The following DGKB variants were observed in gnomAD, a reference collection of about 807,000 sequenced individuals.
DGKB encodes the protein 90 kDa diacylglycerol kinase.
A neutral mutation model predicts 114.3 loss-of-function variants in DGKB; 67 were observed. The observed-to-expected ratio is 0.59, with a 90% CI of 0.48 to 0.72. The LOEUF (loss-of-function observed/expected upper bound fraction) is 0.72. Among genes scored for constraint, DGKB ranks in the 30% least tolerant of loss-of-function variants. DGKB has a pLI of 0.00. For missense variants in DGKB, 907 were observed against 975.2 expected (o/e 0.93, Z 0.93); for synonymous variants, 398 against 323.1 (o/e 1.23, Z -2.49).
At chr7:14,943,352 TAA>T (rs1785680905) in intron 1 of DGKB, among the ~76,000 whole-genome samples, 1 of 151,814 alleles carries the variant, frequency 6.6e-6, no homozygotes, top group Non-Finnish European at 1.5e-5. Context: ...CCTCTATAAT[TAA>T]AAGTCATATT....
chr7:14,635,012 T>C (rs1810464732), intron 13 of DGKB, among the ~76,000 whole-genome samples: 1 of 151,590 alleles, frequency 6.6e-6, no homozygotes. Flanking sequence ...TAAATTATTT[T>C]TCTTTTCCAC....
At chr7:14,494,407 T>C (rs1158855918) in intron 20 of DGKB, among the ~76,000 whole-genome samples, 5 of 151,944 alleles carry the variant, frequency 3.3e-5, no homozygotes, top group Non-Finnish European at 5.9e-5. Flanking sequence ...AACGGGACAC[T>C]TTTTTCTGTA....
chr7:14,416,775 A>C (rs1825791305), intron 21 of DGKB, among the ~76,000 whole-genome samples: 1 of 152,110 alleles, frequency 6.6e-6, no homozygotes, highest in South Asian at 2.1e-4. Context: ...TGTCTTTATC[A>C]GCAGTGTGAA....
chr7:14,676,486 A>G lies in DGKB; in HGVS notation c.1036-3459T>C, dbSNP rs78501007. Reference sequence around the variant, plus strand: ...TGAAAGGATGGATACCCCATTCTCCATGATGTGCTTATTTCACATTGCATG... The same window carrying G: ...TGAAAGGATGGATACCCCATTCTCCGTGATGTGCTTATTTCACATTGCATG... On this transcript the variant is annotated intron_variant, in intron 12 of 25. Coordinates refer to ENST00000402815, the MANE Select transcript of DGKB (RefSeq NM_001350709.2). 1.9e-3 allele frequency among the ~76,000 whole-genome samples: 294 copies of G among 152,242 alleles called. 1 individual carries two copies. Among genetic ancestry groups the G allele is most frequent in the Admixed American group, 3.3e-3 (50 of 15,268 alleles).
At chr7:14,476,982 C>T (rs1328107509) in intron 21 of DGKB, among the ~76,000 whole-genome samples, 2 of 152,000 alleles carry the variant, frequency 1.3e-5, no homozygotes, top group East Asian at 3.9e-4. Context: ...GAACTCCCGA[C>T]CTCATGATCT....
intron 12 of DGKB, among the ~76,000 whole-genome samples, chr7:14,679,417 G>A (rs940508254): frequency 2.0e-5 from 3 of 151,966 alleles, no homozygotes; most frequent in African/African-American, 7.2e-5. Flanking sequence ...AATGGCCCAA[G>A]ATGGCACAAC....
At chr7:14,241,436 C>A (rs1793624375) in intron 23 of DGKB, among the ~76,000 whole-genome samples, 1 of 149,912 alleles carries the variant, frequency 6.7e-6, no homozygotes, top group Non-Finnish European at 1.5e-5. Flanking sequence ...TGTTATGTTC[C>A]TAAACCCAAG....
intron 15 of DGKB, among the ~76,000 whole-genome samples, chr7:14,616,167 A>G (rs1193205892): frequency 6.7e-6 from 1 of 149,036 alleles, no homozygotes; most frequent in South Asian, 2.1e-4. Context: ...AGTATTTCCT[A>G]CATATAAAAA....
intron 20 of DGKB, among the ~76,000 whole-genome samples, chr7:14,555,997 C>T (rs759960511): frequency 6.6e-6 from 1 of 152,158 alleles, no homozygotes; most frequent in Non-Finnish European, 1.5e-5. Context: ...CATTCCTTTG[C>T]TTTCTTAATA....
chr7:14,869,615 G>C (rs192154451), intron 1 of DGKB, among the ~76,000 whole-genome samples: 2 of 152,092 alleles, frequency 1.3e-5, no homozygotes, highest in East Asian at 3.9e-4. Context: ...TTCAACAAAA[G>C]CTTTTCTGTC....
intron 21 of DGKB, among the ~76,000 whole-genome samples, chr7:14,356,279 A>G (rs1379499126): frequency 6.9e-6 from 1 of 145,696 alleles, no homozygotes; most frequent in African/African-American, 2.6e-5. Context: ...TATCTCCTTC[A>G]GTTCTGCCCT....
intron 20 of DGKB, among the ~76,000 whole-genome samples, chr7:14,530,418 A>T (rs1373240198): frequency 6.6e-6 from 1 of 151,506 alleles, no homozygotes; most frequent in African/African-American, 2.4e-5. Context: ...TTCAGAAAAA[A>T]ACCCTGTATG....
chr7:14,339,786 G>A (rs948506410), intron 22 of DGKB, among the ~76,000 whole-genome samples: 7 of 151,844 alleles, frequency 4.6e-5, no homozygotes, highest in Non-Finnish European at 7.4e-5. Context: ...CTTTGTGAGG[G>A]ATATGCATTT....
chr7:14,969,991 C>T (rs1043135937), intron 1 of DGKB, among the ~76,000 whole-genome samples: 4 of 152,064 alleles, frequency 2.6e-5, no homozygotes, highest in African/African-American at 9.7e-5. Context: ...TTTATGGGAC[C>T]TCCTTGTACA....
chr7:14,447,147 C>T (rs1178736610), intron 21 of DGKB, among the ~76,000 whole-genome samples: 2 of 152,110 alleles, frequency 1.3e-5, no homozygotes, highest in Non-Finnish European at 2.9e-5. Context: ...ACGGATGCAT[C>T]ACCCCTAGGG....
chr7:14,627,950 C>A (rs79959204), intron 14 of DGKB, among the ~76,000 whole-genome samples: 4 of 93,564 alleles, frequency 4.3e-5, no homozygotes, highest in East Asian at 2.5e-4. Flanking sequence ...CTCAAAAAAA[C>A]AAAAAAAAAA....
chr7:14,535,399 G>T (rs1227015858), intron 20 of DGKB, among the ~76,000 whole-genome samples: 2 of 146,080 alleles, frequency 1.4e-5, no homozygotes, highest in East Asian at 4.0e-4. Flanking sequence ...AAAAAAGAAA[G>T]AAAGAAAGAA....
At chr7:14,921,949 AGGT>A (rs1413543514) in intron 1 of DGKB, among the ~76,000 whole-genome samples, 1 of 152,174 alleles carries the variant, frequency 6.6e-6, no homozygotes, top group Non-Finnish European at 1.5e-5. Context: ...TCTGATTAGG[AGGT>A]ATGTTGCAAA....
At chr7:14,175,187 A>G (rs1781544989) in intron 25 of DGKB, among the ~76,000 whole-genome samples, 1 of 152,198 alleles carries the variant, frequency 6.6e-6, no homozygotes, top group Non-Finnish European at 1.5e-5. Flanking sequence ...GCCCTTGAGT[A>G]TGCTATTTAA....
Sources: gnomAD v4.1 joint callset for allele counts (sites outside exome capture counted in the v4.1 genomes callset) on GRCh38, gnomAD v4.1.1 for gene constraint, MANE v1.5 for transcripts, NCBI Gene and HGNC (gene_info 2026-07-23, HGNC 2026-07-21) for gene names.